Variants in BACE2 observed in about 807,000 individuals in gnomAD.
BACE2 encodes 56 kDa aspartic-like protease.
Under a neutral mutation model 46.2 loss-of-function variants are expected in BACE2, and 17 were observed. The ratio of observed to expected loss-of-function variants is 0.37; its 90% CI spans 0.25 to 0.55. The LOEUF (loss-of-function observed/expected upper bound fraction) is 0.55. Ranked by LOEUF, BACE2 falls within the 20% of genes least tolerant of loss-of-function variation. BACE2 has a pLI of 0.82. For synonymous variants in BACE2, 277 were observed against 295.9 expected (o/e 0.94, Z 0.66); for missense variants, 595 against 698.1 (o/e 0.85, Z 1.66).
At chr21:41,251,761 A>T (rs1987645612) in intron 7 of BACE2, among the ~76,000 whole-genome samples, 1 of 151,060 alleles carries the variant, frequency 6.6e-6, no homozygotes, top group Non-Finnish European at 1.5e-5. Context: ...AGATCACACC[A>T]CTGCACTGCA....
In BACE2 at chr21:41,275,640, C is replaced by G. The variant is rs754505767; in HGVS notation, c.*16C>G. On this transcript the variant is annotated 3_prime_UTR_variant, in exon 9 of 9. Coordinates refer to ENST00000330333, the MANE Select transcript of BACE2 (RefSeq NM_012105.5). ...CTGGAAATGAATAGCCAGGCCTGAC[C>G]TCAAGCAACCATGAACTCAGCTATT... 2.5e-6 allele frequency: 4 copies of G among 1,612,230 alleles called. No individual in the cohort carries two copies. The Admixed American group carries it at 6.7e-5, about 27-fold the overall frequency.
At chr21:41,199,236 T>G (rs1985862422) in intron 1 of BACE2, among the ~76,000 whole-genome samples, 1 of 151,982 alleles carries the variant, frequency 6.6e-6, no homozygotes, top group African/African-American at 2.4e-5. Flanking sequence ...CTCTTTCCCC[T>G]TTCCTCCTTG....
intron 7 of BACE2, among the ~76,000 whole-genome samples, chr21:41,251,668 G>A (rs775834223): frequency 1.3e-5 from 2 of 152,064 alleles, no homozygotes; most frequent in Non-Finnish European, 2.9e-5. Context: ...GGGCGTGATG[G>A]TGCATGCCTG....
intron 4 of BACE2, 41 bp from the exon 5 acceptor site, chr21:41,243,335 T>C: frequency 6.6e-7 from 1 of 1,518,304 alleles, no homozygotes; most frequent in African/African-American, 1.4e-5. Flanking sequence ...GATATGTCTG[T>C]GTATTTTTTC....
chr21:41,274,024 T>C (rs932340055), intron 8 of BACE2, among the ~76,000 whole-genome samples: 3 of 152,330 alleles, frequency 2.0e-5, no homozygotes, highest in Admixed American at 1.3e-4. Flanking sequence ...GGCAGAGCTT[T>C]TCTTTGTAAA....
At chr21:41,229,470 A>G (rs574589022) in intron 2 of BACE2, among the ~76,000 whole-genome samples, 2 of 152,340 alleles carry the variant, frequency 1.3e-5, no homozygotes, top group African/African-American at 4.8e-5. Context: ...TTCATGGCAG[A>G]TAAATAGCAG....
At chr21:41,214,451 T>C (rs1359401703) in intron 1 of BACE2, among the ~76,000 whole-genome samples, 1 of 152,244 alleles carries the variant, frequency 6.6e-6, no homozygotes, top group Non-Finnish European at 1.5e-5. Context: ...GCAGGGCTGC[T>C]GGAACTGGGG....
At chr21:41,215,057 G>C (rs1300775062) in intron 1 of BACE2, among the ~76,000 whole-genome samples, 1 of 152,170 alleles carries the variant, frequency 6.6e-6, no homozygotes, top group East Asian at 1.9e-4. Flanking sequence ...TCAGGGGAGA[G>C]CTCAGAGATG....
rs190040388 is a variant in BACE2 at position 41,271,001 on chromosome 21, A to G, written c.1304-4370A>G. Among the ~76,000 whole-genome samples, 6 of 152,232 alleles carry G rather than the reference A, an allele frequency of 3.9e-5. No homozygotes were observed. In the East Asian group the frequency reaches 7.7e-4, roughly 20 times the overall value. On this transcript the variant is annotated intron_variant, in intron 8 of 8. Coordinates refer to ENST00000330333, the MANE Select transcript of BACE2 (RefSeq NM_012105.5). ...AAACACTGTTATTAGGTAAAAAAAC[A>G]TTAGGATTTTTATGTCCTATTTATG...
Position 41,270,966 on chromosome 21 carries a change from A to C in BACE2, c.1304-4405A>C, listed in dbSNP as rs1461071147. On this transcript the variant is annotated intron_variant, in intron 8 of 8. Transcript: ENST00000330333. ...TTTGCATTTTCATCAATCTTGTTTT[A>C]TGTATTTTGAAACACTGTTATTAGG... is the stretch of plus-strand genomic sequence containing the variant. Among the ~76,000 whole-genome samples the C allele has an allele frequency of 3.3e-5, 5 of 152,084 alleles. No homozygotes were observed. In the East Asian group the frequency reaches 9.6e-4, roughly 29 times the overall value.
chr21:41,205,744 C>T (rs1030407930), intron 1 of BACE2, among the ~76,000 whole-genome samples: 5 of 152,132 alleles, frequency 3.3e-5, no homozygotes, highest in African/African-American at 1.2e-4. Context: ...TACTTCATCC[C>T]TCACCAGTGC....
At chr21:41,227,754 A>G (rs1380073776) in intron 2 of BACE2, among the ~76,000 whole-genome samples, 3 of 152,190 alleles carry the variant, frequency 2.0e-5, no homozygotes, top group East Asian at 1.9e-4. Flanking sequence ...ACTCCTGCCT[A>G]TGATCACTAT....
intron 2 of BACE2, among the ~76,000 whole-genome samples, chr21:41,237,017 G>A (rs1220708294): frequency 6.6e-6 from 1 of 152,216 alleles, no homozygotes; most frequent in African/African-American, 2.4e-5. Context: ...GGGGGAAGCT[G>A]TCACTTTGTT....
At chr21:41,269,616 G>A (rs2088415395) in intron 8 of BACE2, among the ~76,000 whole-genome samples, 1 of 152,124 alleles carries the variant, frequency 6.6e-6, no homozygotes, top group African/African-American at 2.4e-5. Context: ...CATTTTGTCT[G>A]ACTGCTTTCA....
intron 1 of BACE2, among the ~76,000 whole-genome samples, chr21:41,205,573 T>C (rs977610770): frequency 1.3e-5 from 2 of 152,228 alleles, no homozygotes; most frequent in African/African-American, 4.8e-5. Flanking sequence ...TTAGAAAATT[T>C]ACCTTCCTAC....
intron 1 of BACE2, among the ~76,000 whole-genome samples, chr21:41,188,381 G>A (rs972568439): frequency 8.5e-5 from 13 of 152,164 alleles, no homozygotes; most frequent in African/African-American, 3.1e-4. Context: ...GGAGAGGCAG[G>A]GTGTTCCATG....
chr21:41,237,521 C>T lies in BACE2; in HGVS notation c.410C>T (p.Thr137Ile). The change falls in exon 3 of 9, where the codon ACA becomes ATA. Residue 137 changes from threonine to isoleucine, a missense_variant. Around this residue, in one of 3 missense-constraint regions of BACE2, gnomAD observed 248 missense variants for 261.4 expected, o/e 0.95. Coordinates refer to ENST00000330333, the MANE Select transcript of BACE2 (RefSeq NM_012105.5). ...DTYFDTERSSTYRSKGFDVTV... is the reference protein window; with the variant it reads ...DTYFDTERSSIYRSKGFDVTV... The stretch of plus-strand genomic sequence containing the variant: ...TTCTTTTCTTTCTCCAGGTCTAGCA[C>T]ATACCGCTCCAAGGGCTTTGACGTC... The T allele has an allele frequency of 6.2e-7, 1 of 1,613,614 alleles. No individual in the cohort carries two copies. The highest frequency in any genetic ancestry group is 8.5e-7 in the Non-Finnish European group (1 of 1,179,502).
chr21:41,202,891 T>A (rs1376712181), intron 1 of BACE2, among the ~76,000 whole-genome samples: 1 of 152,182 alleles, frequency 6.6e-6, no homozygotes, highest in Non-Finnish European at 1.5e-5. Context: ...ATTCCAGTGA[T>A]CAGGCAGGAC....
intron 1 of BACE2, chr21:41,181,589 A>C (rs1005411478): frequency 8.4e-5 from 14 of 167,110 alleles, no homozygotes; most frequent in African/African-American, 3.4e-4. Context: ...TGTGTCATTA[A>C]TGCAAGAGTG....
Sources: allele counts gnomAD v4.1 joint callset (sites outside exome capture counted in the v4.1 genomes callset), GRCh38; gene constraint gnomAD v4.1.1; regional missense constraint gnomAD v4.1.1; transcripts MANE v1.5; gene names NCBI Gene and HGNC (gene_info 2026-07-23, HGNC 2026-07-21).